Variants in TRIM58 observed in about 807,000 individuals in gnomAD.
The protein encoded by TRIM58 is tripartite motif containing 58, also known as E3 ubiquitin-protein ligase TRIM58.
A neutral mutation model predicts 34.1 loss-of-function variants in TRIM58; 38 were observed. The ratio of observed to expected loss-of-function variants is 1.12; its 90% CI spans 0.86 to 1.46. The LOEUF (loss-of-function observed/expected upper bound fraction) is 1.46, where lower values mean the gene tolerates loss of function less well. Ranked by LOEUF, TRIM58 falls within the 40% of genes most tolerant of loss-of-function variation. TRIM58 has a pLI of 0.00. For missense variants in TRIM58, 677 were observed against 642.0 expected (o/e 1.05, Z -0.59); for synonymous variants, 273 against 275.7 (o/e 0.99, Z 0.10).
chr1:247,867,744 G>A, intron 3 of TRIM58, 101 bp from the exon 4 acceptor site: 2 of 1,282,604 alleles, frequency 1.6e-6, no homozygotes. Context: ...TCTCAATAAT[G>A]TTTTGCAGTA....
rs1401002040 is a variant in TRIM58 at position 247,876,557 on chromosome 1, T to C, written c.*68T>C. 2 of 1,253,428 alleles carry C rather than the reference T, an allele frequency of 1.6e-6. No individual in the cohort carries two copies. The highest frequency in any genetic ancestry group is 2.2e-6 in the Non-Finnish European group (2 of 905,822). 77.6% of individuals were successfully genotyped at this position (1,253,428 alleles called of 1,614,324 possible). On this transcript the variant is annotated 3_prime_UTR_variant, in exon 6 of 6. Coordinates refer to ENST00000366481, the MANE Select transcript of TRIM58 (RefSeq NM_015431.4). Reference sequence around the variant, plus strand: ...TGGAGTGGGGTGAAGGATATCAATATACTAAGTTTTAACAGATACCCCATT... The same window carrying C: ...TGGAGTGGGGTGAAGGATATCAATACACTAAGTTTTAACAGATACCCCATT...
chr1:247,859,226 C>G (rs12240243), intron 1 of TRIM58, among the ~76,000 whole-genome samples: 3 of 152,072 alleles, frequency 2.0e-5, no homozygotes, highest in African/African-American at 7.3e-5. Flanking sequence ...CAAATTTAGC[C>G]GAATCACTGT....
At position 247,876,388 on chromosome 1, in the gene TRIM58, A is replaced by C; in HGVS notation, c.1360A>C (p.Thr454Pro). The C allele has an allele frequency of 6.2e-7, 1 of 1,614,040 alleles. No homozygotes were observed. The highest frequency in any genetic ancestry group is 8.5e-7 in the Non-Finnish European group (1 of 1,180,016). The change falls in exon 6 of 6, where the codon ACT (threonine) becomes CCT (proline). Residue 454 changes from threonine to proline, a missense_variant. Coordinates refer to ENST00000366481, the MANE Select transcript of TRIM58 (RefSeq NM_015431.4). ...GCCTTACTTTTTCATCTGTGATGCA[A>C]CTCCTCTTATCTTGCCACCCACAAC... ...LRPYFFICDATPLILPPTTIA... is the reference protein window; with the variant it reads ...LRPYFFICDAPPLILPPTTIA...
intron 2 of TRIM58, among the ~76,000 whole-genome samples, chr1:247,864,425 T>C (rs1663868870): frequency 6.6e-6 from 1 of 152,096 alleles, no homozygotes; most frequent in African/African-American, 2.4e-5. Flanking sequence ...TCACATTTTG[T>C]ATATGGTACT....
rs370498805 is a variant in TRIM58, at chr1:247,876,466, G to A, written c.1438G>A (p.Asp480Asn). The A allele has an allele frequency of 3.7e-6, 6 of 1,613,618 alleles. No individual in the cohort carries two copies. The highest frequency in any genetic ancestry group is 3.3e-5 in the South Asian group (3 of 91,042). ...ASRDHLDPAS[D>N]VRDDHL is the part of the protein sequence containing the mutation. ...CAGGGATCATTTAGATCCTGCTTCT[G>A]ATGTAAGAGATGATCATCTCTAAAA... Residue 480 changes from aspartate (D) to asparagine (N), a missense_variant, in exon 6 of 6, where the codon GAT becomes AAT. Asp to Asn is a conservative substitution (Grantham distance 23). Coordinates refer to ENST00000366481, the MANE Select transcript of TRIM58 (RefSeq NM_015431.4).
chr1:247,857,323 C>G lies in TRIM58; in HGVS notation c.77C>G (p.Pro26Arg), dbSNP rs911640290. 2.1e-6 allele frequency: 3 copies of G among 1,456,726 alleles called. No homozygotes were observed. Among genetic ancestry groups the G allele is most frequent in the Non-Finnish European group, 2.7e-6 (3 of 1,099,560 alleles). The allele number at this position is 1,456,726 out of a possible 1,614,324, so 90.2% of individuals were successfully genotyped here. A position where few individuals can be genotyped will look rare whatever the true frequency, so the allele number is the denominator to read the frequency against. Reference protein sequence around the residue: ...CPVCLDFLQEPVSVDCGHSFC... With the variant: ...CPVCLDFLQERVSVDCGHSFC... ...GTGTGCCTGGATTTCCTGCAGGAGC[C>G]GGTCAGCGTGGACTGCGGCCACAGC... is the stretch of plus-strand genomic sequence containing the variant. Residue 26 changes from proline (P) to arginine (R), a missense_variant, in exon 1 of 6, where the codon CCG (proline) becomes CGG (arginine). Pro to Arg is a moderately radical substitution (Grantham distance 103). Transcript: ENST00000366481.
At chr1:247,869,319 G>A (rs146522691) in intron 5 of TRIM58, among the ~76,000 whole-genome samples, 8 of 152,160 alleles carry the variant, frequency 5.3e-5, no homozygotes, top group Admixed American at 1.3e-4. Context: ...AGGTGGGGGG[G>A]GGTGAGGCGT....
intron 2 of TRIM58, among the ~76,000 whole-genome samples, chr1:247,861,581 A>G (rs1014561204): frequency 2.0e-5 from 3 of 152,096 alleles, no homozygotes; most frequent in African/African-American, 7.2e-5. Context: ...AATATGATAT[A>G]TAATAGGTTA....
Position 247,857,327 on chromosome 1 carries a change from C to T in TRIM58, c.81C>T (p.Val27=), listed in dbSNP as rs775091808. Residue 27 remains valine, a synonymous_variant, in exon 1 of 6, where the codon GTC becomes GTT. Transcript: ENST00000366481. ...GCCTGGATTTCCTGCAGGAGCCGGT[C>T]AGCGTGGACTGCGGCCACAGCTTCT... ...PVCLDFLQEP[V]SVDCGHSFCL... 6 of 1,469,316 alleles carry T rather than the reference C, an allele frequency of 4.1e-6. No individual in the cohort carries two copies. In the African/African-American group the frequency reaches 7.3e-5, roughly 18 times the overall value. 91.0% of individuals were successfully genotyped at this position (1,469,316 alleles called of 1,614,324 possible).
At chr1:247,858,831 G>A (rs948585041) in intron 1 of TRIM58, among the ~76,000 whole-genome samples, 3 of 132,898 alleles carry the variant, frequency 2.3e-5, no homozygotes, top group Non-Finnish European at 4.6e-5. Flanking sequence ...CGCAATCTCG[G>A]CTCATTGCAA....
intron 1 of TRIM58, among the ~76,000 whole-genome samples, chr1:247,858,915 C>T (rs1016442853): frequency 6.6e-6 from 1 of 151,778 alleles, no homozygotes. Context: ...TACAGGTATG[C>T]GTCACCACAC....
At position 247,857,680 on chromosome 1, in the gene TRIM58, C is replaced by A; in HGVS notation, c.420+14C>A. The A allele has an allele frequency of 2.5e-6, 3 of 1,223,106 alleles. No homozygotes were observed. The highest frequency in any genetic ancestry group is 3.6e-5 in the South Asian group (1 of 27,484). 75.8% of individuals were successfully genotyped at this position (1,223,106 alleles called of 1,614,324 possible). A position where few individuals can be genotyped will look rare whatever the true frequency, so the allele number is the denominator to read the frequency against. On this transcript the variant is annotated intron_variant, in intron 1 of 5. Transcript: ENST00000366481. ...GGCAGCTACCAGGTGAGGCGCCCCC[C>A]GGCGGGGGCTGCGGGCGCTGCGGTG...
At chr1:247,872,978 C>T (rs888152270) in intron 5 of TRIM58, among the ~76,000 whole-genome samples, 1 of 152,178 alleles carries the variant, frequency 6.6e-6, no homozygotes, top group East Asian at 1.9e-4. Context: ...GCCTGTAAAT[C>T]CCTGCACTTT....
At chr1:247,865,771 A>G (rs927578442) in intron 3 of TRIM58, among the ~76,000 whole-genome samples, 1 of 152,188 alleles carries the variant, frequency 6.6e-6, no homozygotes, top group South Asian at 2.1e-4. Context: ...GGTAGAACCA[A>G]TGGCAACAGA....
At chr1:247,858,012 G>C (rs1663681525) in intron 1 of TRIM58, among the ~76,000 whole-genome samples, 1 of 152,202 alleles carries the variant, frequency 6.6e-6, no homozygotes, top group South Asian at 2.1e-4. Flanking sequence ...TTCATTCTTG[G>C]TAACAATTGT....
At chr1:247,861,511 T>A (rs1041719793) in intron 2 of TRIM58, among the ~76,000 whole-genome samples, 25 of 152,322 alleles carry the variant, frequency 1.6e-4, no homozygotes, top group African/African-American at 4.6e-4. Flanking sequence ...GTGTCAAGAT[T>A]GAGAAACTAC....
At position 247,864,850 on chromosome 1, in the gene TRIM58, G is replaced by C. The variant is rs760915539; in HGVS notation, c.662G>C (p.Arg221Pro). Residue 221 changes from arginine to proline, a missense_variant, in exon 3 of 6, where the codon CGG becomes CCG. Physicochemically the swap from Arg to Pro is moderately radical, Grantham distance 103 (BLOSUM62 -2). Coordinates refer to ENST00000366481, the MANE Select transcript of TRIM58 (RefSeq NM_015431.4). ...TLQRLRESKSRLVQQSKALKE... is the reference protein window; with the variant it reads ...TLQRLRESKSPLVQQSKALKE... ...CAGAGACTGCGGGAGAGCAAGAGCCGGCTGGTCCAGCAGAGCAAGGCCCTG... is the reference window on the plus strand; with the variant it reads ...CAGAGACTGCGGGAGAGCAAGAGCCCGCTGGTCCAGCAGAGCAAGGCCCTG... The C allele has an allele frequency of 6.2e-7, 1 of 1,612,458 alleles. No individual in the cohort carries two copies. The highest frequency in any genetic ancestry group is 1.3e-5 in the African/African-American group (1 of 75,012).
In TRIM58 at chr1:247,878,974, A is replaced by G. The variant is rs1357132632; in HGVS notation, c.*2485A>G. On this transcript the variant is annotated 3_prime_UTR_variant, in exon 6 of 6. Transcript: ENST00000366481. ...AAAGATTGCCACTATTTCCTCTGGAACTTTGTTTCGTTACCAGCAAAATCC... is the reference window on the plus strand; with the variant it reads ...AAAGATTGCCACTATTTCCTCTGGAGCTTTGTTTCGTTACCAGCAAAATCC... Among the ~76,000 whole-genome samples the G allele has an allele frequency of 1.3e-5, 2 of 152,068 alleles. No individual in the cohort carries two copies. The highest frequency in any genetic ancestry group is 6.6e-5 in the Admixed American group (1 of 15,260).
intron 3 of TRIM58, among the ~76,000 whole-genome samples, chr1:247,866,286 C>T (rs1383771913): frequency 3.9e-5 from 6 of 152,122 alleles, no homozygotes; most frequent in African/African-American, 1.4e-4. Context: ...AAGCGATTCT[C>T]CTGCCTCAGC....
Sources: gnomAD v4.1 joint callset for allele counts (sites outside exome capture counted in the v4.1 genomes callset) on GRCh38, gnomAD v4.1.1 for gene constraint, MANE v1.5 for transcripts, NCBI Gene and HGNC (gene_info 2026-07-23, HGNC 2026-07-21) for gene names.